LGR4: variants seen among roughly 807,000 people sequenced by gnomAD.
LGR4 encodes the protein leucine-rich repeat-containing G protein-coupled receptor 4.
In LGR4, 44 loss-of-function variants were observed where a neutral mutation model predicts 84.8. The observed-to-expected ratio is 0.52, with a 90% CI of 0.41 to 0.67. The LOEUF (loss-of-function observed/expected upper bound fraction) is 0.67. Ranked by LOEUF, LGR4 falls within the 30% of genes least tolerant of loss-of-function variation. The pLI is 0.00. For synonymous variants in LGR4, 429 were observed against 434.3 expected (o/e 0.99, Z 0.15); for missense variants, 1,032 against 1,131.4 (o/e 0.91, Z 1.26).
At chr11:27,378,927 A>C in intron 10 of LGR4, 159 bp from the exon 11 acceptor site, 1 of 593,468 alleles carries the variant, frequency 1.7e-6, no homozygotes. Flanking sequence ...CAAGAAGGTG[A>C]ACTGAACCCC....
intron 2 of LGR4, among the ~76,000 whole-genome samples, chr11:27,393,732 A>G (rs1489136209): frequency 6.6e-6 from 1 of 151,922 alleles, no homozygotes; most frequent in East Asian, 1.9e-4. Context: ...CCCACTTCTA[A>G]TCTGTTCTAC....
At chr11:27,404,874 G>A (rs1309310993) in intron 2 of LGR4, among the ~76,000 whole-genome samples, 2 of 152,182 alleles carry the variant, frequency 1.3e-5, no homozygotes, top group African/African-American at 4.8e-5. Flanking sequence ...CTGAAGCTAA[G>A]AAATGGAAAG....
At chr11:27,411,846 C>T (rs140492100) in intron 2 of LGR4, among the ~76,000 whole-genome samples, 9 of 152,128 alleles carry the variant, frequency 5.9e-5, no homozygotes, top group Admixed American at 1.3e-4. Context: ...GGGGAGTGGC[C>T]GAGCTAAAAG....
intron 1 of LGR4, among the ~76,000 whole-genome samples, chr11:27,456,094 G>A (rs1053976793): frequency 6.6e-6 from 1 of 152,186 alleles, no homozygotes; most frequent in African/African-American, 2.4e-5. Flanking sequence ...AAATGAGAAA[G>A]CAAAATGCTT....
In LGR4 at chr11:27,380,507, C is replaced by T. The variant is rs967242970; in HGVS notation, c.902+133G>A. The T allele has an allele frequency of 1.7e-5, 13 of 759,766 alleles. No individual in the cohort carries two copies. The Admixed American group carries it at 2.9e-4, about 17-fold the overall frequency. The allele number at this position is 759,766 out of a possible 1,614,324, so 47.1% of individuals were successfully genotyped here. ...GGCAAAGTATTCACAAAAATAAGAA[C>T]AATTATAAATTCTGCCCAAGGGAGA... On this transcript the variant is annotated intron_variant, in intron 9 of 17. Coordinates refer to ENST00000379214, the MANE Select transcript of LGR4 (RefSeq NM_018490.5).
chr11:27,446,971 TG>T (rs1565096546), intron 1 of LGR4, among the ~76,000 whole-genome samples: 1 of 145,912 alleles, frequency 6.9e-6, no homozygotes, highest in Non-Finnish European at 1.5e-5. Context: ...CACTCATAGG[TG>T]GGAACTGAAT....
At chr11:27,433,821 A>G (rs1394884082) in intron 1 of LGR4, among the ~76,000 whole-genome samples, 1 of 152,202 alleles carries the variant, frequency 6.6e-6, no homozygotes, top group Non-Finnish European at 1.5e-5. Context: ...TTAAAAATGG[A>G]GTCCAATTCC....
intron 4 of LGR4, among the ~76,000 whole-genome samples, chr11:27,388,300 C>T (rs1022561372): frequency 6.6e-6 from 1 of 152,128 alleles, no homozygotes; most frequent in Non-Finnish European, 1.5e-5. Flanking sequence ...AGAGCACTGT[C>T]TCAGTGTGGC....
intron 1 of LGR4, among the ~76,000 whole-genome samples, chr11:27,425,128 G>A (rs949555462): frequency 5.3e-5 from 8 of 152,146 alleles, no homozygotes; most frequent in African/African-American, 1.9e-4. Context: ...TGTGGAGTCG[G>A]CTTTTGAACT....
intron 1 of LGR4, among the ~76,000 whole-genome samples, chr11:27,451,403 T>C (rs1438150129): frequency 1.3e-5 from 2 of 152,178 alleles, no homozygotes; most frequent in Non-Finnish European, 2.9e-5. Context: ...CCAAGTTGTT[T>C]CAAACAAACT....
At chr11:27,407,995 G>A (rs1322343643) in intron 2 of LGR4, among the ~76,000 whole-genome samples, 1 of 152,070 alleles carries the variant, frequency 6.6e-6, no homozygotes, top group Non-Finnish European at 1.5e-5. Context: ...TTGAAAGTCT[G>A]AAATTACCTT....
At chr11:27,455,382 T>TA (rs973751450) in intron 1 of LGR4, among the ~76,000 whole-genome samples, 4 of 151,418 alleles carry the variant, frequency 2.6e-5, no homozygotes, top group African/African-American at 7.3e-5. Flanking sequence ...AGGAAAAGTC[T>TA]AAAAAAAAAC....
At chr11:27,391,279 G>T (rs878948531) in intron 3 of LGR4, 114 bp from the exon 4 acceptor site, 6 of 585,362 alleles carry the variant, frequency 1.0e-5, no homozygotes, top group East Asian at 5.8e-5. Context: ...GGGAAAATGG[G>T]GGGGAGGTGG....
intron 4 of LGR4, among the ~76,000 whole-genome samples, chr11:27,389,146 T>C (rs894246237): frequency 1.3e-5 from 2 of 152,128 alleles, no homozygotes; most frequent in African/African-American, 4.8e-5. Context: ...ATGACTCAAG[T>C]GCTGATAAGA....
chr11:27,402,527 G>T (rs1188903098), intron 2 of LGR4, among the ~76,000 whole-genome samples: 1 of 152,106 alleles, frequency 6.6e-6, no homozygotes, highest in Non-Finnish European at 1.5e-5. Flanking sequence ...CTGTTTAAAA[G>T]TTACTTTTAA....
rs11296973 is a variant in LGR4, at chr11:27,433,397, C to CT, written c.186-20538dup. Among the ~76,000 whole-genome samples, 1,321 of 142,794 alleles carry CT rather than the reference C, an allele frequency of 9.3e-3. 9 individuals are homozygous for CT. Among genetic ancestry groups the CT allele is most frequent in the African/African-American group, 0.014 (524 of 38,800 alleles). 93.7% of individuals were successfully genotyped at this position (142,794 alleles called of 152,430 possible). The stretch of plus-strand genomic sequence containing the variant: ...ACGCCCGGCTAATTTATTTTTATTT[C>CT]TTTTTTTTTTTTTTTAGTAGAGATG... On this transcript the variant is annotated intron_variant, in intron 1 of 17. Transcript: ENST00000379214.
At chr11:27,388,142 A>G (rs1863219743) in intron 4 of LGR4, among the ~76,000 whole-genome samples, 1 of 152,218 alleles carries the variant, frequency 6.6e-6, no homozygotes, top group South Asian at 2.1e-4. Context: ...AGAACTATGG[A>G]AAAATGAAAC....
intron 1 of LGR4, among the ~76,000 whole-genome samples, chr11:27,439,901 C>CTTTTTT (rs1164372130): frequency 7.9e-5 from 8 of 100,724 alleles, no homozygotes; most frequent in Non-Finnish European, 1.1e-4. Context: ...TAGGATTTCT[C>CTTTTTT]TTTTTTTTTT....
chr11:27,439,930 G>T (rs929385994), intron 1 of LGR4, among the ~76,000 whole-genome samples: 2 of 143,946 alleles, frequency 1.4e-5, no homozygotes, highest in African/African-American at 5.2e-5. Flanking sequence ...TTTTGAGACG[G>T]AGTCTCGCTC....
Sources: allele counts gnomAD v4.1 joint callset (sites outside exome capture counted in the v4.1 genomes callset), GRCh38; gene constraint gnomAD v4.1.1; transcripts MANE v1.5; gene names NCBI Gene and HGNC (gene_info 2026-07-23, HGNC 2026-07-21).